The following FGL1 variants were observed in gnomAD, a reference collection of about 807,000 sequenced individuals.
The protein encoded by FGL1 is fibrinogen-like protein 1.
A neutral mutation model predicts 43.7 loss-of-function variants in FGL1; 59 were observed. The observed-to-expected ratio is 1.35, with a 90% CI of 1.10 to 1.68. The LOEUF is 1.68. Ranked by LOEUF, FGL1 falls within the 40% of genes most tolerant of loss-of-function variation. The pLI is 0.00. For missense variants in FGL1, 596 were observed against 373.0 expected, an observed-to-expected ratio of 1.60 and a Z score of -4.92; for synonymous variants, 192 against 126.5, an observed-to-expected ratio of 1.52 and a Z score of -3.48.
intron 5 of FGL1, among the ~76,000 whole-genome samples, chr8:17,871,529 A>G (rs564881299): frequency 1.3e-5 from 2 of 151,970 alleles, no homozygotes; most frequent in Admixed American, 1.3e-4. Context: ...CTATTATAAC[A>G]GAGACATAAA....
At chr8:17,871,267 C>T (rs1016349058) in intron 5 of FGL1, among the ~76,000 whole-genome samples, 1 of 152,044 alleles carries the variant, frequency 6.6e-6, no homozygotes, top group Non-Finnish European at 1.5e-5. Context: ...CTAAGGCACG[C>T]AGATGACTTG....
chr8:17,895,121 T>A (rs1488851967), intron 1 of FGL1: 1 of 231,078 alleles, frequency 4.3e-6, no homozygotes, highest in African/African-American at 2.3e-5. Flanking sequence ...ATTATACATA[T>A]TTAGAAAGTC....
At chr8:17,868,474 A>T (rs2053304062) in intron 7 of FGL1, 74 bp downstream of exon 7, 6 of 1,112,156 alleles carry the variant, frequency 5.4e-6, no homozygotes, top group Non-Finnish European at 7.5e-6. Flanking sequence ...TACCATACAT[A>T]TTATATTGAT....
At chr8:17,881,066 A>C (rs184525073) in intron 3 of FGL1, among the ~76,000 whole-genome samples, 1 of 152,180 alleles carries the variant, frequency 6.6e-6, no homozygotes, top group African/African-American at 2.4e-5. Context: ...GCATACATGC[A>C]ACAAGGAAAG....
chr8:17,886,397 G>C (rs1407333867), intron 1 of FGL1, among the ~76,000 whole-genome samples: 2 of 152,134 alleles, frequency 1.3e-5, no homozygotes, highest in African/African-American at 2.4e-5. Context: ...GATGCGAACT[G>C]ACAAAGTCAA....
chr8:17,864,962 T>C (rs981051970), intron 7 of FGL1, among the ~76,000 whole-genome samples: 15 of 152,094 alleles, frequency 9.9e-5, no homozygotes, highest in Admixed American at 2.6e-4. Context: ...AATTTTTTTT[T>C]AATAATAGAG....
At chr8:17,881,415 G>A (rs189296159) in intron 3 of FGL1, among the ~76,000 whole-genome samples, 207 of 151,910 alleles carry the variant, frequency 1.4e-3, no homozygotes, top group South Asian at 5.6e-3. Flanking sequence ...GATTACAGGC[G>A]TGAGCCACCG....
intron 3 of FGL1, among the ~76,000 whole-genome samples, chr8:17,881,130 G>C (rs530457088): frequency 8.2e-6 from 1 of 122,654 alleles, no homozygotes; most frequent in African/African-American, 3.7e-5. Flanking sequence ...TCTGCCATGT[G>C]TACACGGATT....
intron 1 of FGL1, among the ~76,000 whole-genome samples, chr8:17,893,876 C>G (rs2053740969): frequency 6.8e-6 from 1 of 147,250 alleles, no homozygotes; most frequent in Admixed American, 6.7e-5. Context: ...TCAAATTATT[C>G]TGTTCATTTA....
intron 7 of FGL1, among the ~76,000 whole-genome samples, chr8:17,867,242 C>G (rs2053282945): frequency 1.3e-5 from 2 of 152,104 alleles, no homozygotes; most frequent in South Asian, 2.1e-4. Context: ...ACCGAAACAG[C>G]TACGAAGTGA....
chr8:17,881,330 T>A (rs1256775612), intron 3 of FGL1, among the ~76,000 whole-genome samples: 3 of 150,876 alleles, frequency 2.0e-5, no homozygotes, highest in Non-Finnish European at 4.4e-5. Flanking sequence ...AGAGATGGGG[T>A]TTCACCATAT....
intron 5 of FGL1, among the ~76,000 whole-genome samples, chr8:17,871,004 T>C (rs1384501509): frequency 6.6e-6 from 1 of 151,392 alleles, no homozygotes; most frequent in Non-Finnish European, 1.5e-5. Context: ...CTCAAGGCTG[T>C]TGGGGCAGGG....
rs571363018 is a variant in FGL1 at position 17,865,950 on chromosome 8, T to A, written c.780-1199A>T. Among the ~76,000 whole-genome samples the A allele has an allele frequency of 5.3e-4, 81 of 152,312 alleles. No individual in the cohort carries two copies. The South Asian group carries it at 7.2e-3, about 14-fold the overall frequency. On this transcript the variant is annotated intron_variant, in intron 7 of 7. Coordinates refer to ENST00000427924, the MANE Select transcript of FGL1 (RefSeq NM_004467.4). ...TCCTAACTTAAATGGACGTAATTAA[T>A]TGAAAATATGTATGTCAAGTCTGCA...
At chr8:17,868,444 T>C (rs2053303652) in intron 7 of FGL1, 104 bp downstream of exon 7, 1 of 858,364 alleles carries the variant, frequency 1.2e-6, no homozygotes, top group Non-Finnish European at 1.6e-6. Flanking sequence ...AATACTAATA[T>C]TATAAATAAA....
intron 1 of FGL1, among the ~76,000 whole-genome samples, chr8:17,886,301 G>A (rs1585148191): frequency 6.6e-6 from 1 of 152,136 alleles, no homozygotes; most frequent in Admixed American, 6.5e-5. Flanking sequence ...AAGGAGTTGG[G>A]GACTTTTGGT....
Position 17,869,640 on chromosome 8 carries a change from TG to T in FGL1, c.503-637del, listed in dbSNP as rs11311532. 3.6e-3 allele frequency among the ~76,000 whole-genome samples: 547 copies of T among 152,210 alleles called. 2 individuals are homozygous for T. The highest frequency in any genetic ancestry group is 0.012 in the African/African-American group (507 of 41,510). ...ACTCTTAGCATCAAAGTATGTAGAG[TG>T]GATGTCATTGGAAGAGAATTTCAGA... On this transcript the variant is annotated intron_variant, in intron 5 of 7. Transcript: ENST00000427924.
chr8:17,870,693 G>T (rs35359553), intron 5 of FGL1, among the ~76,000 whole-genome samples: 2 of 152,132 alleles, frequency 1.3e-5, no homozygotes, highest in Non-Finnish European at 2.9e-5. Flanking sequence ...GGATTACAAG[G>T]TCAGGAGATC....
At chr8:17,886,171 C>G (rs549562512) in intron 1 of FGL1, among the ~76,000 whole-genome samples, 1 of 152,300 alleles carries the variant, frequency 6.6e-6, no homozygotes, top group South Asian at 2.1e-4. Flanking sequence ...GAGGCAAAAT[C>G]GTTCTCAGAG....
At chr8:17,880,062 G>A (rs375146505) in intron 3 of FGL1, among the ~76,000 whole-genome samples, 2 of 152,208 alleles carry the variant, frequency 1.3e-5, no homozygotes, top group Admixed American at 6.5e-5. Context: ...ACGATAGTCC[G>A]TTTGCTTCCC....
Sources: gnomAD v4.1 joint callset for allele counts (sites outside exome capture counted in the v4.1 genomes callset) on GRCh38, gnomAD v4.1.1 for gene constraint, MANE v1.5 for transcripts, NCBI Gene and HGNC (gene_info 2026-07-23, HGNC 2026-07-21) for gene names.